INVS: variants seen among roughly 807,000 people sequenced by gnomAD.
INVS encodes inversion of embryo turning homolog.
A neutral mutation model predicts 108.8 loss-of-function variants in INVS; 86 were observed. The ratio of observed to expected loss-of-function variants is 0.79; its 90% CI spans 0.66 to 0.95. The LOEUF (loss-of-function observed/expected upper bound fraction) is 0.95, where lower values mean the gene tolerates loss of function less well. Among genes scored for constraint, INVS ranks in the 40% least tolerant of loss-of-function variants. The pLI is 0.00. For missense variants in INVS, 1,169 were observed against 1,297.4 expected, an observed-to-expected ratio of 0.90 and a Z score of 1.52; for synonymous variants, 455 against 473.5, an observed-to-expected ratio of 0.96 and a Z score of 0.51.
At chr9:100,160,804 A>G (rs968380653) in intron 3 of INVS, among the ~76,000 whole-genome samples, 17 of 152,062 alleles carry the variant, frequency 1.1e-4, no homozygotes, top group Non-Finnish European at 1.5e-4. Context: ...GGCTGATCAA[A>G]GTTAGCCGGG....
At chr9:100,259,085 G>C (rs992824852) in intron 10 of INVS, among the ~76,000 whole-genome samples, 1 of 152,148 alleles carries the variant, frequency 6.6e-6, no homozygotes, top group Non-Finnish European at 1.5e-5. Context: ...CTTCCTGGCC[G>C]GCCGCTTTGT....
intron 3 of INVS, among the ~76,000 whole-genome samples, chr9:100,137,433 A>C (rs1274392627): frequency 6.6e-6 from 1 of 152,170 alleles, no homozygotes. Flanking sequence ...TTTTCACTGC[A>C]TAACAAGGAC....
intron 3 of INVS, among the ~76,000 whole-genome samples, chr9:100,189,075 G>A (rs957177420): frequency 1.7e-5 from 2 of 116,526 alleles, no homozygotes; most frequent in Admixed American, 8.2e-5. Flanking sequence ...GTGTCTCCAC[G>A]TTCATTTCTA....
intron 12 of INVS, among the ~76,000 whole-genome samples, chr9:100,281,532 C>G (rs907430912): frequency 3.9e-5 from 6 of 152,164 alleles, no homozygotes; most frequent in Non-Finnish European, 8.8e-5. Flanking sequence ...TCAGTGATCA[C>G]TGCTATTACA....
chr9:100,135,817 T>C (rs946564330), intron 3 of INVS, among the ~76,000 whole-genome samples: 2 of 151,948 alleles, frequency 1.3e-5, no homozygotes, highest in Non-Finnish European at 2.9e-5. Context: ...ATAGAAACCA[T>C]AGAAGTAGTT....
At chr9:100,121,971 TTTG>T (rs1827738983) in intron 2 of INVS, among the ~76,000 whole-genome samples, 1 of 152,204 alleles carries the variant, frequency 6.6e-6, no homozygotes, top group African/African-American at 2.4e-5. Flanking sequence ...TCTTAAATAT[TTTG>T]TTATTTCTTG....
At chr9:100,282,612 T>C (rs540461536) in intron 12 of INVS, among the ~76,000 whole-genome samples, 9 of 152,332 alleles carry the variant, frequency 5.9e-5, no homozygotes, top group African/African-American at 2.2e-4. Flanking sequence ...CCGTAGTCCA[T>C]AGCAGTCTGG....
intron 6 of INVS, 44 bp from the exon 7 acceptor site, chr9:100,242,526 A>G (rs1381389014): frequency 8.0e-6 from 8 of 999,646 alleles, no homozygotes; most frequent in Admixed American, 5.1e-5. Flanking sequence ...AAATTAATTA[A>G]CATCCTTTAT....
intron 5 of INVS, among the ~76,000 whole-genome samples, chr9:100,236,691 AC>A (rs1402077156): frequency 1.3e-5 from 2 of 152,182 alleles, no homozygotes; most frequent in African/African-American, 4.8e-5. Flanking sequence ...AGCAGAGGCT[AC>A]GGAACAGTAA....
At chr9:100,263,431 C>T (rs569128432) in intron 10 of INVS, among the ~76,000 whole-genome samples, 2 of 152,246 alleles carry the variant, frequency 1.3e-5, no homozygotes, top group East Asian at 3.9e-4. Flanking sequence ...CTCAAGGCTG[C>T]CCACATTCCT....
intron 12 of INVS, among the ~76,000 whole-genome samples, chr9:100,281,498 G>GT (rs1459642795): frequency 6.6e-6 from 1 of 152,142 alleles, no homozygotes; most frequent in Non-Finnish European, 1.5e-5. Context: ...ATAATTTCCA[G>GT]TTTTAATCCC....
At chr9:100,201,982 T>C (rs1830545189) in intron 3 of INVS, among the ~76,000 whole-genome samples, 2 of 152,236 alleles carry the variant, frequency 1.3e-5, no homozygotes, top group Admixed American at 1.3e-4. Flanking sequence ...AGTCTGGCCA[T>C]AGTGCTTCTC....
intron 2 of INVS, among the ~76,000 whole-genome samples, chr9:100,105,230 T>A (rs1294519917): frequency 1.3e-5 from 2 of 152,212 alleles, no homozygotes; most frequent in Non-Finnish European, 2.9e-5. Context: ...TTATTTGTAG[T>A]CTTTATTCAC....
At position 100,116,663 on chromosome 9, in the gene INVS, A is replaced by G. The variant is rs192048659; in HGVS notation, c.107-9720A>G. The G allele has an allele frequency of 9.6e-5, 36 of 375,966 alleles. No homozygotes were observed. In the East Asian group the frequency reaches 1.1e-3, roughly 11 times the overall value. The allele number at this position is 375,966 out of a possible 1,614,324, so 23.3% of individuals were successfully genotyped here. ...AAAATCAGGAAGATTTTCACCTTCA[A>G]TTGCTTCTAAAAGTTTTATATAGTT... is the stretch of plus-strand genomic sequence containing the variant. On this transcript the variant is annotated intron_variant, in intron 2 of 16. Transcript: ENST00000262457.
At chr9:100,227,991 CTT>C (rs33912012) in intron 4 of INVS, among the ~76,000 whole-genome samples, 7 of 133,382 alleles carry the variant, frequency 5.2e-5, no homozygotes, top group Admixed American at 7.8e-5. Context: ...TTCTTTCTTT[CTT>C]TTTTTTTTTT....
At chr9:100,104,801 A>G (rs1827119844) in intron 2 of INVS, among the ~76,000 whole-genome samples, 174 bp downstream of exon 2, 1 of 152,262 alleles carries the variant, frequency 6.6e-6, no homozygotes, top group African/African-American at 2.4e-5. Context: ...AAACTTAAAA[A>G]TATGGGTTAG....
chr9:100,298,597 G>C (rs76023065), intron 16 of INVS, among the ~76,000 whole-genome samples: 1 of 152,116 alleles, frequency 6.6e-6, no homozygotes, highest in African/African-American at 2.4e-5. Context: ...CTCATAGGTG[G>C]CTATGGCAAC....
At chr9:100,165,426 C>T (rs1490070466) in intron 3 of INVS, among the ~76,000 whole-genome samples, 1 of 152,054 alleles carries the variant, frequency 6.6e-6, no homozygotes, top group African/African-American at 2.4e-5. Flanking sequence ...ACCATCTATC[C>T]TACAGTTATT....
In INVS at chr9:100,126,428, C is replaced by T; in HGVS notation, c.152C>T (p.Pro51Leu). The T allele has an allele frequency of 6.2e-7, 1 of 1,613,988 alleles. No individual in the cohort carries two copies. The highest frequency in any genetic ancestry group is 2.2e-5 in the East Asian group (1 of 44,868). The change falls in exon 3 of 17, where the codon CCA (proline) becomes CTA (leucine). Residue 51 changes from proline to leucine, a missense_variant. Transcript: ENST00000262457. ...KDKEDQFGRT[P>L]LMYCVLADRL... The stretch of plus-strand genomic sequence containing the variant: ...AAAGAAGATCAGTTTGGGAGAACAC[C>T]ACTTATGTATTGCGTGTTGGCTGAC...
Sources: gnomAD v4.1 joint callset for allele counts (sites outside exome capture counted in the v4.1 genomes callset) on GRCh38, gnomAD v4.1.1 for gene constraint, MANE v1.5 for transcripts, NCBI Gene and HGNC (gene_info 2026-07-23, HGNC 2026-07-21) for gene names.